Variants in CCDC171 observed in about 807,000 individuals in gnomAD.
CCDC171 encodes coiled-coil domain containing 171.
CCDC171 carries 177 observed loss-of-function variants against 168.2 expected under a neutral mutation model. The ratio of observed to expected loss-of-function variants is 1.05; its 90% CI spans 0.93 to 1.19. The LOEUF (loss-of-function observed/expected upper bound fraction) is 1.19. Among genes scored for constraint, CCDC171 ranks in the 50% most tolerant of loss-of-function variants. The pLI is 0.00. For synonymous variants in CCDC171, 687 were observed against 540.8 expected (o/e 1.27, Z -3.75); for missense variants, 1,991 against 1,539.0 (o/e 1.29, Z -4.91).
chr9:15,635,540 A>G (rs573184625), intron 7 of CCDC171, among the ~76,000 whole-genome samples: 1 of 152,282 alleles, frequency 6.6e-6, no homozygotes, highest in South Asian at 2.1e-4. Flanking sequence ...TATTCTAGCC[A>G]TGCTGGCAGC....
the CCDC171 span, among the ~76,000 whole-genome samples, chr9:16,103,516 G>C: frequency 6.6e-6 from 1 of 152,200 alleles, no homozygotes; most frequent in Non-Finnish European, 1.5e-5. Flanking sequence ...TCCATAAAGA[G>C]CCCCTTGTTT....
intron 3 of CCDC171, among the ~76,000 whole-genome samples, chr9:15,994,399 A>G (rs1832304993): frequency 6.6e-6 from 1 of 152,180 alleles, no homozygotes; most frequent in South Asian, 2.1e-4. Context: ...GAACACTTGG[A>G]CACAGGAAGG....
rs1384929665 is a variant in CCDC171 at position 15,818,411 on chromosome 9, A to G, written c.3268-28291A>G. ...AAAACTACTCCGAGCTAAAGGAGGA[A>G]GTTCGAACGAATGGCAAAGAAGTTA... On this transcript the variant is annotated intron_variant, in intron 21 of 25. Coordinates refer to ENST00000380701, the MANE Select transcript of CCDC171 (RefSeq NM_173550.4). Among the ~76,000 whole-genome samples the G allele has an allele frequency of 6.1e-5, 7 of 115,468 alleles. 2 individuals are homozygous for G. The highest frequency in any genetic ancestry group is 4.1e-4 in the Admixed American group (5 of 12,230). 75.8% of individuals were successfully genotyped at this position (115,468 alleles called of 152,430 possible).
chr9:15,611,964 G>A (rs1211961591), intron 6 of CCDC171, among the ~76,000 whole-genome samples: 2 of 152,166 alleles, frequency 1.3e-5, no homozygotes, highest in Non-Finnish European at 2.9e-5. Context: ...GAAACCTTAA[G>A]TAGAATTGGT....
intron 6 of CCDC171, 64 bp downstream of exon 6, chr9:15,594,236 A>G (rs1225322613): frequency 4.5e-6 from 4 of 897,882 alleles, no homozygotes; most frequent in East Asian, 5.9e-5. Flanking sequence ...TCAAAATTAC[A>G]TTAGTGGGAT....
At chr9:15,564,387 A>G (rs1422540149) in intron 2 of CCDC171, among the ~76,000 whole-genome samples, 1 of 152,102 alleles carries the variant, frequency 6.6e-6, no homozygotes, top group Non-Finnish European at 1.5e-5. Context: ...GTTACTAGAG[A>G]CTTGCTTGTT....
At chr9:15,866,769 A>G (rs1424395213) in intron 23 of CCDC171, among the ~76,000 whole-genome samples, 1 of 152,034 alleles carries the variant, frequency 6.6e-6, no homozygotes, top group Non-Finnish European at 1.5e-5. Context: ...TAGAAAATGC[A>G]TTTCAAGAGA....
At chr9:15,854,056 G>C (rs917555082) in intron 23 of CCDC171, among the ~76,000 whole-genome samples, 8 of 149,476 alleles carry the variant, frequency 5.4e-5, no homozygotes, top group African/African-American at 2.0e-4. Flanking sequence ...GGACATATTG[G>C]TCTGTAGTTT....
chr9:16,047,663 G>A (rs1411285983), intron 1 of CCDC171, among the ~76,000 whole-genome samples: 1 of 152,218 alleles, frequency 6.6e-6, no homozygotes, highest in Non-Finnish European at 1.5e-5. Context: ...TGTTACCTGG[G>A]AAGTGGGTAA....
intron 18 of CCDC171, among the ~76,000 whole-genome samples, chr9:15,762,359 C>G (rs778780285): frequency 7.2e-5 from 11 of 151,820 alleles, no homozygotes; most frequent in Non-Finnish European, 1.5e-4. Flanking sequence ...TTGCAAAATA[C>G]AACATAATAT....
At chr9:15,685,725 T>C (rs2050348164) in intron 10 of CCDC171, among the ~76,000 whole-genome samples, 1 of 152,130 alleles carries the variant, frequency 6.6e-6, no homozygotes, top group African/African-American at 2.4e-5. Flanking sequence ...AGTGGAATCT[T>C]CATTAATAAA....
chr9:16,079,336 A>C, the CCDC171 span, among the ~76,000 whole-genome samples: 2 of 152,294 alleles, frequency 1.3e-5, no homozygotes, highest in East Asian at 3.9e-4. Context: ...CCTTATTTGG[A>C]GCTAGGGTCT....
chr9:15,634,058 G>C (rs1034997962), intron 7 of CCDC171, among the ~76,000 whole-genome samples: 8 of 152,104 alleles, frequency 5.3e-5, no homozygotes, highest in African/African-American at 1.9e-4. Context: ...ATAGCTTTAG[G>C]AGATACACCT....
rs761735856 is a variant in CCDC171, at chr9:15,623,394, G to T, written c.803G>T (p.Arg268Leu). The change falls in exon 7 of 26, where the codon CGC becomes CTC. Residue 268 changes from arginine to leucine, a missense_variant. Transcript: ENST00000380701. The stretch of plus-strand genomic sequence containing the variant: ...GAATTTAGCACTCAACGAGAGGAAC[G>T]CCTTAGAAAAGAATTTGAGGTACAT... ...ELEFSTQREE[R>L]LRKEFEATTL... The T allele has an allele frequency of 5.0e-6, 8 of 1,602,194 alleles. No individual in the cohort carries two copies. Among genetic ancestry groups the T allele is most frequent in the Non-Finnish European group, 6.8e-6 (8 of 1,172,960 alleles).
chr9:16,094,168 G>A, the CCDC171 span, among the ~76,000 whole-genome samples: 1 of 152,264 alleles, frequency 6.6e-6, no homozygotes, highest in South Asian at 2.1e-4. Context: ...GGGCTGGAAG[G>A]AGCACTTGGA....
chr9:15,623,290 T>C lies in CCDC171; in HGVS notation c.699T>C (p.Asn233=), dbSNP rs745604019. 1 of 1,589,840 alleles carries C rather than the reference T, an allele frequency of 6.3e-7. No homozygotes were observed. The highest frequency in any genetic ancestry group is 8.6e-7 in the Non-Finnish European group (1 of 1,167,192). ...IVQEQDTAVQ[N]MHKKVEKLET... ...AGGAGCAAGATACTGCTGTGCAAAA[T>C]ATGCATAAGAAAGTAGAAAAATTAG... The change falls in exon 7 of 26, where the codon AAT becomes AAC. Residue 233 remains asparagine (N), a synonymous_variant. Coordinates refer to ENST00000380701, the MANE Select transcript of CCDC171 (RefSeq NM_173550.4).
chr9:15,739,638 T>C (rs983350011), intron 16 of CCDC171, among the ~76,000 whole-genome samples: 7 of 152,226 alleles, frequency 4.6e-5, no homozygotes. Flanking sequence ...AAACTATTCC[T>C]ATTAAAATAG....
chr9:15,811,275 A>G (rs2059344801), intron 21 of CCDC171, among the ~76,000 whole-genome samples: 1 of 152,248 alleles, frequency 6.6e-6, no homozygotes, highest in South Asian at 2.1e-4. Context: ...CCCTTATGTC[A>G]GTGAAGGAAA....
At chr9:15,553,445 G>A (rs1157146190) in intron 1 of CCDC171, 143 bp downstream of exon 1, 1 of 152,292 alleles carries the variant, frequency 6.6e-6, no homozygotes, top group African/African-American at 2.4e-5. Context: ...CCCTGGGCTG[G>A]GTCTCCCCGC....
Sources: gnomAD v4.1 joint callset for allele counts (sites outside exome capture counted in the v4.1 genomes callset) on GRCh38, gnomAD v4.1.1 for gene constraint, MANE v1.5 for transcripts, NCBI Gene and HGNC (gene_info 2026-07-23, HGNC 2026-07-21) for gene names.